Variants in ZNF845 observed in about 807,000 individuals in gnomAD.
The protein encoded by ZNF845 is zinc finger protein 845.
Under a neutral mutation model 76.1 loss-of-function variants are expected in ZNF845, and 59 were observed. The observed-to-expected ratio is 0.78, with a 90% CI of 0.63 to 0.96. The LOEUF (loss-of-function observed/expected upper bound fraction) is 0.96, where lower values mean the gene tolerates loss of function less well. Among genes scored for constraint, ZNF845 ranks in the 40% least tolerant of loss-of-function variants. The pLI, the probability that ZNF845 is intolerant of heterozygous loss-of-function variation, is 0.00. For synonymous variants in ZNF845, 361 were observed against 386.9 expected (o/e 0.93, Z 0.78); for missense variants, 1,045 against 1,172.8 (o/e 0.89, Z 1.59).
At chr19:53,345,376 A>T in intron 2 of ZNF845, 130 bp from the exon 3 acceptor site, 1 of 1,556,390 alleles carries the variant, frequency 6.4e-7, no homozygotes. Flanking sequence ...TGTGGTGAAG[A>T]ATCCCTTACT....
At position 53,353,554 on chromosome 19, in the gene ZNF845, G is replaced by A. The variant is rs547402353; in HGVS notation, c.2879G>A (p.Arg960His). Residue 960 changes from arginine to histidine, a missense_variant, in exon 4 of 4, where the codon CGT becomes CAT. Coordinates refer to ENST00000458035, the MANE Select transcript of ZNF845 (RefSeq NM_138374.3). ...TTTAATCGAAAAGCAAAACTTGCAC[G>A]TCATCATAGAATTCATACTGGAAAG... The part of the protein sequence containing the change: ...KVFNRKAKLA[R>H]HHRIHTGKKH 9.6e-5 allele frequency: 155 copies of A among 1,607,410 alleles called. No individual in the cohort carries two copies. The highest frequency in any genetic ancestry group is 3.2e-4 in the African/African-American group (24 of 74,700).
chr19:53,339,569 T>C (rs1332719881), intron 1 of ZNF845, among the ~76,000 whole-genome samples: 1 of 152,184 alleles, frequency 6.6e-6, no homozygotes, highest in Non-Finnish European at 1.5e-5. Context: ...CCCAAGGATT[T>C]GAGTCTGGGA....
intron 1 of ZNF845, among the ~76,000 whole-genome samples, chr19:53,337,412 C>T (rs2085223421): frequency 6.6e-6 from 1 of 152,224 alleles, no homozygotes; most frequent in Non-Finnish European, 1.5e-5. Context: ...CAGAGTCTCA[C>T]TCTACCGTCC....
Position 53,353,637 on chromosome 19 carries a change from A to T in ZNF845, c.*49A>T. The T allele has an allele frequency of 6.5e-7, 1 of 1,527,792 alleles. No individual in the cohort carries two copies. Among genetic ancestry groups the T allele is most frequent in the Non-Finnish European group, 8.8e-7 (1 of 1,139,314 alleles). 94.6% of individuals were successfully genotyped at this position (1,527,792 alleles called of 1,614,324 possible). The stretch of plus-strand genomic sequence containing the variant: ...TTACAGTTGTAAATCAAGTCTTGAA[A>T]GACAGGAGAATTCATACTGGAGAGA... On this transcript the variant is annotated 3_prime_UTR_variant, in exon 4 of 4. Transcript: ENST00000458035.
Position 53,353,852 on chromosome 19 carries a change from T to A in ZNF845, c.*264T>A. 1 of 1,299,794 alleles carries A rather than the reference T, an allele frequency of 7.7e-7. No individual in the cohort carries two copies. Among genetic ancestry groups the A allele is most frequent in the South Asian group, 1.5e-5 (1 of 67,376 alleles). 80.5% of individuals were successfully genotyped at this position (1,299,794 alleles called of 1,614,324 possible). On this transcript the variant is annotated 3_prime_UTR_variant, in exon 4 of 4. Coordinates refer to ENST00000458035, the MANE Select transcript of ZNF845 (RefSeq NM_138374.3). ...AGGGAAACTTTACTAATGTAATGATTATCACAAAGTCTTCAGTAACACTAC... is the reference window on the plus strand; with the variant it reads ...AGGGAAACTTTACTAATGTAATGATAATCACAAAGTCTTCAGTAACACTAC...
In ZNF845 at chr19:53,344,480, G is replaced by C. The variant is rs2085279240; in HGVS notation, c.16-1026G>C. Among the ~76,000 whole-genome samples the C allele has an allele frequency of 3.3e-5, 5 of 152,216 alleles. No homozygotes were observed. In the South Asian group the frequency reaches 1.0e-3, roughly 32 times the overall value. ...TTGATCCTGGGAGGTGGAGGTTGCAGTGAACTGAGATGGCACCTTTGCATT... is the reference window on the plus strand; with the variant it reads ...TTGATCCTGGGAGGTGGAGGTTGCACTGAACTGAGATGGCACCTTTGCATT... On this transcript the variant is annotated intron_variant, in intron 2 of 3. Coordinates refer to ENST00000458035, the MANE Select transcript of ZNF845 (RefSeq NM_138374.3).
intron 1 of ZNF845, among the ~76,000 whole-genome samples, chr19:53,340,310 C>G (rs1057070109): frequency 6.6e-6 from 1 of 152,190 alleles, no homozygotes; most frequent in Non-Finnish European, 1.5e-5. Flanking sequence ...CTTTGGCCTC[C>G]CAACGTGCTG....
At position 53,356,888 on chromosome 19, in the gene ZNF845, C is replaced by T. The variant is rs1303583119; in HGVS notation, c.*3300C>T. Reference sequence around the variant, plus strand: ...GAACCTGCAGTGAGCCGAGATCGCACCACTGCACTCCAGCCTGGGTGACAG... The same window carrying T: ...GAACCTGCAGTGAGCCGAGATCGCATCACTGCACTCCAGCCTGGGTGACAG... On this transcript the variant is annotated 3_prime_UTR_variant, in exon 4 of 4. Transcript: ENST00000458035. The T allele has an allele frequency of 6.9e-6, 1 of 145,302 alleles. No homozygotes were observed. The highest frequency in any genetic ancestry group is 2.2e-4 in the South Asian group (1 of 4,646). 9.0% of individuals were successfully genotyped at this position (145,302 alleles called of 1,614,324 possible). A position where few individuals can be genotyped will look rare whatever the true frequency, so the allele number is the denominator to read the frequency against.
chr19:53,337,184 C>T (rs560814804), intron 1 of ZNF845: 12 of 454,230 alleles, frequency 2.6e-5, no homozygotes, highest in Admixed American at 1.9e-4. Context: ...CTTCCTGTCT[C>T]AGGTTGCTGT....
Position 53,353,052 on chromosome 19 carries a change from CA to C in ZNF845, c.2378del (p.His793LeufsTer27), listed in dbSNP as rs753161514. On this transcript the variant is annotated frameshift_variant, in exon 4 of 4. Transcript: ENST00000458035. LOFTEE classifies it high-confidence loss of function. ...AFGRDSHLAQHTRIHTGEKPY... is the reference protein window; with the variant it reads ...AFGRDSHLAQXTRIHTGEKPY... ...TGGGCGTGATTCACACCTGGCACAA[CA>C]TACTAGAATTCACACTGGAGAGAAA... 4.3e-6 allele frequency: 7 copies of C among 1,613,956 alleles called. 1 individual carries two copies. The South Asian group carries it at 7.7e-5, about 18-fold the overall frequency.
intron 1 of ZNF845, 176 bp from the exon 2 acceptor site, chr19:53,341,059 A>G (rs555111851): frequency 1.6e-6 from 1 of 639,706 alleles, no homozygotes; most frequent in Non-Finnish European, 2.6e-6. Context: ...GCTGCTCTGC[A>G]TGCTTCTTTC....
At chr19:53,343,960 C>A (rs566281414) in intron 2 of ZNF845, among the ~76,000 whole-genome samples, 1 of 152,046 alleles carries the variant, frequency 6.6e-6, no homozygotes, top group Admixed American at 6.5e-5. Context: ...GCTGGAACCA[C>A]AGGTGCCTGC....
intron 3 of ZNF845, among the ~76,000 whole-genome samples, chr19:53,347,481 G>A (rs1046134579): frequency 4.7e-5 from 7 of 150,508 alleles, no homozygotes; most frequent in South Asian, 2.1e-4. Flanking sequence ...GGGTTTCACC[G>A]TGTTAGCCAG....
At chr19:53,348,925 C>G (rs1467956499) in intron 3 of ZNF845, among the ~76,000 whole-genome samples, 1 of 137,172 alleles carries the variant, frequency 7.3e-6, no homozygotes, top group African/African-American at 2.8e-5. Flanking sequence ...GATGCGATCT[C>G]GTCTCACTGC....
At chr19:53,341,588 G>A (rs1449337681) in intron 2 of ZNF845, among the ~76,000 whole-genome samples, 1 of 151,864 alleles carries the variant, frequency 6.6e-6, no homozygotes, top group African/African-American at 2.4e-5. Context: ...GGGCCCCATG[G>A]TGTCAGTGCT....
intron 1 of ZNF845, among the ~76,000 whole-genome samples, chr19:53,334,274 T>C (rs1468021534): frequency 6.6e-6 from 1 of 152,130 alleles, no homozygotes; most frequent in Non-Finnish European, 1.5e-5. Flanking sequence ...TGTTCTTGCC[T>C]GCCCTGCACC....
At chr19:53,336,209 C>CAAA (rs34338136) in intron 1 of ZNF845, among the ~76,000 whole-genome samples, 1 of 112,790 alleles carries the variant, frequency 8.9e-6, no homozygotes, top group Non-Finnish European at 1.8e-5. Flanking sequence ...GACTCCATCT[C>CAAA]AAAAAAAAAA....
chr19:53,336,282 C>G (rs1288731526), intron 1 of ZNF845, among the ~76,000 whole-genome samples: 2 of 151,362 alleles, frequency 1.3e-5, no homozygotes, highest in Non-Finnish European at 2.9e-5. Context: ...CTTTGGGAGC[C>G]AATCACCTAA....
intron 2 of ZNF845, among the ~76,000 whole-genome samples, chr19:53,342,042 C>T (rs1157262574): frequency 5.3e-5 from 8 of 151,822 alleles, no homozygotes; most frequent in Non-Finnish European, 1.2e-4. Flanking sequence ...AATATGGGAG[C>T]AGTACTTCAT....
Sources: allele counts gnomAD v4.1 joint callset (sites outside exome capture counted in the v4.1 genomes callset), GRCh38; gene constraint gnomAD v4.1.1; transcripts MANE v1.5; gene names NCBI Gene and HGNC (gene_info 2026-07-23, HGNC 2026-07-21).